The following VAV3 variants were observed in gnomAD, a reference collection of about 807,000 sequenced individuals.
VAV3 encodes the protein guanine nucleotide exchange factor VAV3.
Under a neutral mutation model 131.2 loss-of-function variants are expected in VAV3, and 94 were observed. That is an observed-to-expected ratio of 0.72 (90% CI 0.61 to 0.85). VAV3 has a LOEUF of 0.85. Among genes scored for constraint, VAV3 ranks in the 40% least tolerant of loss-of-function variants. The pLI is 0.00. For synonymous variants in VAV3, 349 were observed against 342.0 expected (o/e 1.02, Z -0.22); for missense variants, 939 against 1,002.7 (o/e 0.94, Z 0.86).
intron 1 of VAV3, among the ~76,000 whole-genome samples, chr1:107,950,570 G>A (rs1674485319): frequency 6.6e-6 from 1 of 152,216 alleles, no homozygotes; most frequent in South Asian, 2.1e-4. Context: ...GCAAGTTGCA[G>A]TGAACACAGA....
At chr1:107,798,266 C>A (rs1666647206) in intron 2 of VAV3, among the ~76,000 whole-genome samples, 1 of 152,134 alleles carries the variant, frequency 6.6e-6, no homozygotes, top group Non-Finnish European at 1.5e-5. Context: ...GGTCTCTTGG[C>A]CTTCCCCCAC....
At chr1:107,810,748 C>T (rs1310844680) in intron 2 of VAV3, among the ~76,000 whole-genome samples, 3 of 151,976 alleles carry the variant, frequency 2.0e-5, no homozygotes, top group South Asian at 2.1e-4. Flanking sequence ...TCCAAACACA[C>T]TTTTTCCATT....
chr1:107,594,585 A>G (rs148660539), intron 25 of VAV3, among the ~76,000 whole-genome samples: 5 of 152,236 alleles, frequency 3.3e-5, no homozygotes, highest in South Asian at 4.1e-4. Context: ...TCTACTGGCT[A>G]TGCTTTTTTT....
intron 25 of VAV3, among the ~76,000 whole-genome samples, chr1:107,585,936 T>C (rs17019474): frequency 0.14 from 21,555 of 152,190 alleles, 1,907 homozygotes; most frequent in East Asian, 0.35. Flanking sequence ...AAGTGGCCTG[T>C]TAGAAAGAAG....
At chr1:107,577,299 G>C (rs970832024) in intron 25 of VAV3, among the ~76,000 whole-genome samples, 2 of 152,324 alleles carry the variant, frequency 1.3e-5, no homozygotes, top group African/African-American at 4.8e-5. Context: ...CTTAGCGACT[G>C]CTGCACTACT....
rs554293992 is a variant in VAV3 at position 107,764,963 on chromosome 1, A to G, written c.921+113T>C. 124 of 662,936 alleles carry G rather than the reference A, an allele frequency of 1.9e-4. 1 individual carries two copies. The South Asian group carries it at 2.7e-3, about 14-fold the overall frequency. The allele number at this position is 662,936 out of a possible 1,614,324, so 41.1% of individuals were successfully genotyped here. On this transcript the variant is annotated intron_variant, in intron 9 of 26. Coordinates refer to ENST00000370056, the MANE Select transcript of VAV3 (RefSeq NM_006113.5). ...TGTTTAAATATTTTATAAAATTGAC[A>G]TGAAATTATATTTAAAATAATGGGA...
At chr1:107,744,021 G>A (rs562283916) in intron 15 of VAV3, among the ~76,000 whole-genome samples, 7 of 152,264 alleles carry the variant, frequency 4.6e-5, no homozygotes, top group East Asian at 1.9e-4. Context: ...GGAGCTTAAC[G>A]GCTACATTCT....
In VAV3 at chr1:107,951,969, G is replaced by A. The variant is rs1010421089; in HGVS notation, c.204+12697C>T. On this transcript the variant is annotated intron_variant, in intron 1 of 26. Transcript: ENST00000370056. ...ATTTGACCCAGCAATCCCATTGCAG[G>A]ATATACACCCAAAGGAATATAAACT... is the stretch of plus-strand genomic sequence containing the variant. Among the ~76,000 whole-genome samples the A allele has an allele frequency of 5.9e-5, 9 of 152,104 alleles. No individual in the cohort carries two copies. In the East Asian group the frequency reaches 1.5e-3, roughly 26 times the overall value.
At chr1:107,824,012 A>C (rs372677804) in intron 2 of VAV3, among the ~76,000 whole-genome samples, 16 of 152,224 alleles carry the variant, frequency 1.1e-4, no homozygotes, top group African/African-American at 3.6e-4. Context: ...TTGTTACGGC[A>C]GTCCAAACAG....
chr1:107,837,780 A>C (rs1483952202), intron 2 of VAV3, among the ~76,000 whole-genome samples: 1 of 152,188 alleles, frequency 6.6e-6, no homozygotes. Context: ...GAAAATCAGA[A>C]AAGGGGGAAA....
In VAV3 at chr1:107,768,442, G is replaced by A. The variant is rs768894574; in HGVS notation, c.716C>T (p.Pro239Leu). 1.9e-6 allele frequency: 3 copies of A among 1,610,294 alleles called. No homozygotes were observed. Among genetic ancestry groups the A allele is most frequent in the Admixed American group, 3.4e-5 (2 of 59,568 alleles). ...TTTAGCTAGCATATTTTTACTCACAGGAATGTTGATGAATACTGAATCAAA... is the reference window on the plus strand; with the variant it reads ...TTTAGCTAGCATATTTTTACTCACAAGAATGTTGATGAATACTGAATCAAA... ...AEFDSVFINI[P>L]ELVKLHRNLM... The change falls in exon 7 of 27, where the codon CCT becomes CTT. Residue 239 changes from proline to leucine, a missense_variant and splice_region_variant. Coordinates refer to ENST00000370056, the MANE Select transcript of VAV3 (RefSeq NM_006113.5).
intron 17 of VAV3, among the ~76,000 whole-genome samples, chr1:107,696,260 A>C (rs777540786): frequency 1.3e-5 from 2 of 152,250 alleles, no homozygotes; most frequent in African/African-American, 2.4e-5. Flanking sequence ...GATAATTAGC[A>C]TATCTATCAC....
chr1:107,697,729 G>A (rs1044040242), intron 17 of VAV3, among the ~76,000 whole-genome samples: 2 of 152,064 alleles, frequency 1.3e-5, no homozygotes, highest in African/African-American at 4.8e-5. Flanking sequence ...AAGTCCATCC[G>A]GTCTTGAGAG....
chr1:107,696,277 C>T (rs1282507018), intron 17 of VAV3, among the ~76,000 whole-genome samples: 5 of 152,180 alleles, frequency 3.3e-5, no homozygotes, highest in African/African-American at 1.2e-4. Flanking sequence ...TCACCTCAAA[C>T]ATTTATCATT....
chr1:107,613,158 G>A (rs1300487222), intron 21 of VAV3, among the ~76,000 whole-genome samples: 1 of 152,064 alleles, frequency 6.6e-6, no homozygotes, highest in Non-Finnish European at 1.5e-5. Context: ...TAGATAATCT[G>A]TCTTTTCTCT....
intron 2 of VAV3, among the ~76,000 whole-genome samples, chr1:107,845,621 G>T (rs778434501): frequency 7.2e-5 from 11 of 152,078 alleles, no homozygotes; most frequent in Admixed American, 1.3e-4. Flanking sequence ...TGATAAAGCT[G>T]AAAAACACAG....
intron 15 of VAV3, among the ~76,000 whole-genome samples, chr1:107,740,286 CA>C (rs11346449): frequency 0.17 from 20,733 of 124,420 alleles, 1,466 homozygotes; most frequent in South Asian, 0.28. Flanking sequence ...GACTCCATCT[CA>C]AAAAAAAAAA....
At chr1:107,945,592 G>C (rs1674214209) in intron 1 of VAV3, among the ~76,000 whole-genome samples, 1 of 152,098 alleles carries the variant, frequency 6.6e-6, no homozygotes, top group Admixed American at 6.5e-5. Context: ...GAGAGGTTGA[G>C]ACGAGCGGAC....
chr1:107,747,422 A>G (rs1413259159), intron 15 of VAV3, among the ~76,000 whole-genome samples: 1 of 152,184 alleles, frequency 6.6e-6, no homozygotes, highest in East Asian at 1.9e-4. Flanking sequence ...GCATATTACC[A>G]CTAACCCAAT....
Sources: gnomAD v4.1 joint callset for allele counts (sites outside exome capture counted in the v4.1 genomes callset) on GRCh38, gnomAD v4.1.1 for gene constraint, MANE v1.5 for transcripts, NCBI Gene and HGNC (gene_info 2026-07-23, HGNC 2026-07-21) for gene names.